Variants in PDE8B observed in about 807,000 individuals in gnomAD.
PDE8B encodes high affinity cAMP-specific and IBMX-insensitive 3',5'-cyclic phosphodiesterase 8B.
Under a neutral mutation model 101.3 loss-of-function variants are expected in PDE8B, and 26 were observed. That is an observed-to-expected ratio of 0.26 (90% CI 0.19 to 0.36). The LOEUF (loss-of-function observed/expected upper bound fraction) is 0.36, where lower values mean the gene tolerates loss of function less well. PDE8B is among the 10% of genes least tolerant of loss of function. The pLI is 1.00. For missense variants in PDE8B, 810 were observed against 1,163.1 expected, an observed-to-expected ratio of 0.70 and a Z score of 4.42; for synonymous variants, 424 against 429.3, an observed-to-expected ratio of 0.99 and a Z score of 0.15.
the PDE8B span, among the ~76,000 whole-genome samples, chr5:77,120,229 T>C: frequency 6.6e-6 from 1 of 152,196 alleles, no homozygotes; most frequent in South Asian, 2.1e-4. Context: ...TAATCTGCAA[T>C]GAAGAAAAAT....
At position 77,211,390 on chromosome 5, in the gene PDE8B, G is replaced by A; in HGVS notation, c.339+126G>A. 2 of 838,870 alleles carry A rather than the reference G, an allele frequency of 2.4e-6. No homozygotes were observed. The highest frequency in any genetic ancestry group is 3.6e-5 in the South Asian group (2 of 55,476). The allele number at this position is 838,870 out of a possible 1,614,324, so 52.0% of individuals were successfully genotyped here. A position where few individuals can be genotyped will look rare whatever the true frequency, so the allele number is the denominator to read the frequency against. On this transcript the variant is annotated intron_variant, in intron 1 of 21. Coordinates refer to ENST00000264917, the MANE Select transcript of PDE8B (RefSeq NM_003719.5). The surrounding 1 kb of genome is among the most constrained non-coding windows in gnomAD (Gnocchi z 4.1). Reference sequence around the variant, plus strand: ...GTTGGTTTGGAGAGGTTGTCACTAAGGAGGAGTTTACTTTTCATTTGTGGA... The same window carrying A: ...GTTGGTTTGGAGAGGTTGTCACTAAAGAGGAGTTTACTTTTCATTTGTGGA...
At chr5:77,098,009 A>C in the PDE8B span, among the ~76,000 whole-genome samples, 2 of 150,572 alleles carry the variant, frequency 1.3e-5, no homozygotes, top group African/African-American at 4.8e-5. Context: ...ATGCTTTCTT[A>C]GTTTGGATTT....
rs960449784 is a variant in PDE8B, at chr5:77,307,580, A to C, written c.340-4414A>C. ...GTATTTATACCACGGAAGTCAACAAATGCTACAAAATAGTACTTGTGTTTT... is the reference window on the plus strand; with the variant it reads ...GTATTTATACCACGGAAGTCAACAACTGCTACAAAATAGTACTTGTGTTTT... On this transcript the variant is annotated intron_variant, in intron 1 of 21. Coordinates refer to ENST00000264917, the MANE Select transcript of PDE8B (RefSeq NM_003719.5). Among the ~76,000 whole-genome samples, 3 of 152,124 alleles carry C rather than the reference A, an allele frequency of 2.0e-5. No homozygotes were observed. The East Asian group carries it at 5.8e-4, about 29-fold the overall frequency.
chr5:77,297,365 G>C (rs1004799841), intron 1 of PDE8B, among the ~76,000 whole-genome samples: 1 of 152,036 alleles, frequency 6.6e-6, no homozygotes, highest in Non-Finnish European at 1.5e-5. Flanking sequence ...ATCATCTTTT[G>C]TCAACACCAG....
At chr5:77,348,697 A>G (rs1030286590) in intron 7 of PDE8B, among the ~76,000 whole-genome samples, 1 of 152,166 alleles carries the variant, frequency 6.6e-6, no homozygotes, top group Non-Finnish European at 1.5e-5. Flanking sequence ...TTGTTTGTTT[A>G]TAAGAGACAG....
chr5:77,217,771 A>T (rs1750124146), intron 1 of PDE8B, among the ~76,000 whole-genome samples: 1 of 152,134 alleles, frequency 6.6e-6, no homozygotes, highest in African/African-American at 2.4e-5. Context: ...TCCTGAGCTC[A>T]AGTTATCCAC....
At chr5:77,126,569 G>A in the PDE8B span, among the ~76,000 whole-genome samples, 2 of 152,142 alleles carry the variant, frequency 1.3e-5, no homozygotes, top group African/African-American at 4.8e-5. Flanking sequence ...GGGACTACAG[G>A]TGTGTGCCAC....
intron 1 of PDE8B, among the ~76,000 whole-genome samples, chr5:77,310,214 G>T (rs909373447): frequency 1.3e-5 from 2 of 152,110 alleles, no homozygotes; most frequent in Non-Finnish European, 2.9e-5. Context: ...GCCTCCCAAA[G>T]TGCTGGGATT....
chr5:77,275,730 G>A (rs1428948146), intron 1 of PDE8B, among the ~76,000 whole-genome samples: 1 of 152,176 alleles, frequency 6.6e-6, no homozygotes, highest in East Asian at 1.9e-4. Flanking sequence ...ATTGTTATGA[G>A]GATTACAGTT....
At chr5:77,321,998 C>G (rs546765796) in intron 2 of PDE8B, among the ~76,000 whole-genome samples, 2 of 152,186 alleles carry the variant, frequency 1.3e-5, no homozygotes, top group Non-Finnish European at 2.9e-5. Flanking sequence ...TCAGGAGGCA[C>G]AGGGAGCGGG....
the PDE8B span, among the ~76,000 whole-genome samples, chr5:77,192,545 G>C: frequency 6.6e-6 from 1 of 152,142 alleles, no homozygotes; most frequent in South Asian, 2.1e-4. Flanking sequence ...TATTTTATGG[G>C]TGTACCACAA....
At chr5:77,183,129 A>ATTATTATTAGTATT in the PDE8B span, among the ~76,000 whole-genome samples, 3 of 148,086 alleles carry the variant, frequency 2.0e-5, no homozygotes, top group African/African-American at 7.7e-5. Context: ...TATTATTATT[A>ATTATTATTAGTATT]ATTATTTTGA....
chr5:77,294,326 G>C (rs1402204249), intron 1 of PDE8B, among the ~76,000 whole-genome samples: 1 of 152,190 alleles, frequency 6.6e-6, no homozygotes, highest in African/African-American at 2.4e-5. Flanking sequence ...CAGGGCTGGG[G>C]ACCCAGAAAC....
the PDE8B span, among the ~76,000 whole-genome samples, chr5:77,116,389 A>T: frequency 2.6e-5 from 4 of 151,712 alleles, no homozygotes; most frequent in African/African-American, 4.8e-5. Flanking sequence ...GTGCCACCAC[A>T]CCCGGCTAAC....
chr5:77,117,976 T>G, the PDE8B span, among the ~76,000 whole-genome samples: 1 of 152,206 alleles, frequency 6.6e-6, no homozygotes, highest in East Asian at 1.9e-4. Context: ...GCTCTGTCCC[T>G]TAGGCTGGAG....
intron 17 of PDE8B, 65 bp from the exon 18 acceptor site, chr5:77,418,164 C>T (rs1053529676): frequency 1.2e-5 from 13 of 1,059,082 alleles, no homozygotes; most frequent in Non-Finnish European, 1.8e-5. Context: ...TCCGCACAGA[C>T]AAGGATGGAT....
At chr5:77,159,639 G>A in the PDE8B span, among the ~76,000 whole-genome samples, 1 of 152,160 alleles carries the variant, frequency 6.6e-6, no homozygotes. Context: ...TATTAGTTCT[G>A]TCCCTCTAGG....
chr5:77,131,495 G>A, the PDE8B span, among the ~76,000 whole-genome samples: 1 of 152,166 alleles, frequency 6.6e-6, no homozygotes, highest in Non-Finnish European at 1.5e-5. Flanking sequence ...AGTGGGTTTG[G>A]ACATTCAAAT....
chr5:77,291,283 T>G (rs1363206161), intron 1 of PDE8B: 5 of 1,612,954 alleles, frequency 3.1e-6, no homozygotes, highest in South Asian at 1.1e-5. Flanking sequence ...GACCCTAATG[T>G]TCTCTATGGG....
Sources: gnomAD v4.1 joint callset for allele counts (sites outside exome capture counted in the v4.1 genomes callset) on GRCh38, gnomAD v4.1.1 for gene constraint, Gnocchi (gnomAD v3.1) non-coding constraint, MANE v1.5 for transcripts, NCBI Gene and HGNC (gene_info 2026-07-23, HGNC 2026-07-21) for gene names.